Variants in RXRA observed in about 807,000 individuals in gnomAD.
The protein encoded by RXRA is retinoid X receptor alpha, also known as retinoic acid receptor RXR-alpha.
Under a neutral mutation model 44.5 loss-of-function variants are expected in RXRA, and 5 were observed. The ratio of observed to expected loss-of-function variants is 0.11; its 90% CI spans 0.06 to 0.24. The LOEUF (loss-of-function observed/expected upper bound fraction) is 0.24. Among genes scored for constraint, RXRA ranks in the 10% least tolerant of loss-of-function variants. The pLI is 1.00. For missense variants in RXRA, 412 were observed against 646.5 expected, an observed-to-expected ratio of 0.64 and a Z score of 3.93; for synonymous variants, 291 against 271.4, an observed-to-expected ratio of 1.07 and a Z score of -0.71.
At chr9:134,357,676 C>A (rs1351743204) in intron 1 of RXRA, among the ~76,000 whole-genome samples, 3 of 152,176 alleles carry the variant, frequency 2.0e-5, no homozygotes, top group African/African-American at 7.2e-5. Context: ...AGGGAATGCC[C>A]TGCTTAACCA....
In RXRA at chr9:134,439,033, A is replaced by T. The variant is rs956132080; in HGVS notation, c.*2419A>T. On this transcript the variant is annotated 3_prime_UTR_variant, in exon 10 of 10. Coordinates refer to ENST00000481739, the MANE Select transcript of RXRA (RefSeq NM_002957.6). ...ACAGTGCTGTTGGTTTGAAAAGGTGATGTGTGGGGAGTGCGGCTCATCACT... is the reference window on the plus strand; with the variant it reads ...ACAGTGCTGTTGGTTTGAAAAGGTGTTGTGTGGGGAGTGCGGCTCATCACT... 6 of 152,256 alleles carry T rather than the reference A, an allele frequency of 3.9e-5. No homozygotes were observed. 9.4% of individuals were successfully genotyped at this position (152,256 alleles called of 1,614,324 possible).
chr9:134,429,486 G>A (rs985431501), intron 7 of RXRA, among the ~76,000 whole-genome samples: 3 of 152,184 alleles, frequency 2.0e-5, no homozygotes, highest in African/African-American at 4.8e-5. Flanking sequence ...CTTTTTTCAC[G>A]ATCCCATGTA....
chr9:134,357,780 C>T (rs1004640987), intron 1 of RXRA, among the ~76,000 whole-genome samples: 1 of 152,348 alleles, frequency 6.6e-6, no homozygotes, highest in East Asian at 1.9e-4. Context: ...CGGGAAATTA[C>T]GTGTTCTTAG....
At position 134,433,133 on chromosome 9, in the gene RXRA, A is replaced by G. The variant is rs1008521281; in HGVS notation, c.1136-969A>G. Among the ~76,000 whole-genome samples, 1 of 151,816 alleles carries G rather than the reference A, an allele frequency of 6.6e-6. No individual in the cohort carries two copies. On this transcript the variant is annotated intron_variant, in intron 8 of 9. Transcript: ENST00000481739. The surrounding 1 kb of genome is among the most constrained non-coding windows in gnomAD (Gnocchi z 4.2). ...TCTGAGGGACCGGGCCGGGATGGAG[A>G]TGGGCATCTTCTTGTGGGGAGAGCT...
chr9:134,393,337 G>T (rs1830828075), intron 1 of RXRA, among the ~76,000 whole-genome samples: 1 of 152,234 alleles, frequency 6.6e-6, no homozygotes, highest in African/African-American at 2.4e-5. Context: ...CCTGGCCCAG[G>T]TGTGCCCCTC....
Position 134,401,738 on chromosome 9 carries a change from A to T in RXRA, c.135A>T (p.Gly45=). The T allele has an allele frequency of 1.2e-6, 2 of 1,612,842 alleles. No homozygotes were observed. Among genetic ancestry groups the T allele is most frequent in the Non-Finnish European group, 1.7e-6 (2 of 1,179,912 alleles). Residue 45 remains glycine, a synonymous_variant, in exon 2 of 10, where the codon GGA becomes GGT. Coordinates refer to ENST00000481739, the MANE Select transcript of RXRA (RefSeq NM_002957.6). The part of the protein sequence containing the change: ...PSLGPGIGSP[G]QLHSPISTLS... Reference sequence around the variant, plus strand: ...TGGGGCCTGGCATCGGCTCCCCGGGACAGCTGCATTCTCCCATCAGCACCC... The same window carrying T: ...TGGGGCCTGGCATCGGCTCCCCGGGTCAGCTGCATTCTCCCATCAGCACCC...
chr9:134,384,359 A>G (rs1830688943), intron 1 of RXRA, among the ~76,000 whole-genome samples: 1 of 152,192 alleles, frequency 6.6e-6, no homozygotes, highest in South Asian at 2.1e-4. Context: ...CCTGCTCCAC[A>G]TGGCTGGGCC....
intron 1 of RXRA, among the ~76,000 whole-genome samples, chr9:134,350,475 C>G (rs1182271565): frequency 6.6e-6 from 1 of 152,196 alleles, no homozygotes; most frequent in Non-Finnish European, 1.5e-5. Context: ...TCCCCAGGGG[C>G]TGCCCGTGGG....
intron 1 of RXRA, among the ~76,000 whole-genome samples, chr9:134,381,009 C>T (rs1429673660): frequency 6.6e-6 from 1 of 152,184 alleles, no homozygotes; most frequent in Admixed American, 6.5e-5. Context: ...GTGCAGGGCC[C>T]AGTCAGAGAC....
At position 134,343,681 on chromosome 9, in the gene RXRA, C is replaced by T. The variant is rs1051317058; in HGVS notation, c.28+17022C>T. Reference sequence around the variant, plus strand: ...CTTGCTCAGTGGCCAGAGGAGAGACCGTGTGCACTTGGTGGACTGCCACGG... The same window carrying T: ...CTTGCTCAGTGGCCAGAGGAGAGACTGTGTGCACTTGGTGGACTGCCACGG... On this transcript the variant is annotated intron_variant, in intron 1 of 9. Coordinates refer to ENST00000481739, the MANE Select transcript of RXRA (RefSeq NM_002957.6). This position sits in a 1 kb window ranked among gnomAD's most constrained non-coding sequence, Gnocchi z 4.1. Among the ~76,000 whole-genome samples the T allele has an allele frequency of 1.3e-5, 2 of 152,074 alleles. No individual in the cohort carries two copies. Among genetic ancestry groups the T allele is most frequent in the Admixed American group, 6.5e-5 (1 of 15,272 alleles).
At chr9:134,338,739 C>G (rs1221647471) in intron 1 of RXRA, among the ~76,000 whole-genome samples, 1 of 152,228 alleles carries the variant, frequency 6.6e-6, no homozygotes, top group South Asian at 2.1e-4. Flanking sequence ...AGCCGGCACC[C>G]CAGCCTTGCC....
intron 1 of RXRA, chr9:134,379,422 C>T (rs1307538373): frequency 8.1e-6 from 8 of 987,496 alleles, no homozygotes; most frequent in Non-Finnish European, 9.6e-6. Context: ...CCTCCCTTCA[C>T]TTCCTGGCCA....
chr9:134,425,546 T>TG (rs1181057797), intron 6 of RXRA: 3 of 179,216 alleles, frequency 1.7e-5, no homozygotes, highest in South Asian at 2.8e-4. Flanking sequence ...GGCGGCAGGG[T>TG]GGGGGGTGGG....
intron 2 of RXRA, chr9:134,402,108 T>C (rs1216400731): frequency 1.8e-6 from 1 of 550,998 alleles, no homozygotes; most frequent in Non-Finnish European, 3.2e-6. Flanking sequence ...CCGAGGTGAC[T>C]TGCAGCTGGT....
At chr9:134,357,285 G>T (rs1424381837) in intron 1 of RXRA, among the ~76,000 whole-genome samples, 1 of 152,298 alleles carries the variant, frequency 6.6e-6, no homozygotes, top group African/African-American at 2.4e-5. Flanking sequence ...GCCAGAGTTC[G>T]CTGCTGAGCG....
intron 1 of RXRA, among the ~76,000 whole-genome samples, chr9:134,386,034 A>T (rs186548398): frequency 1.3e-5 from 2 of 152,230 alleles, no homozygotes; most frequent in Non-Finnish European, 2.9e-5. Flanking sequence ...GCTTTGGCCA[A>T]TGGCAGCCGC....
At chr9:134,363,966 C>T (rs1220506717) in intron 1 of RXRA, among the ~76,000 whole-genome samples, 1 of 152,186 alleles carries the variant, frequency 6.6e-6, no homozygotes, top group Non-Finnish European at 1.5e-5. Flanking sequence ...TGCCAAGAGC[C>T]TTGTGGTGGG....
rs1202002912 is a variant in RXRA, at chr9:134,433,581, C to G, written c.1136-521C>G. Among the ~76,000 whole-genome samples the G allele has an allele frequency of 2.0e-5, 3 of 147,318 alleles. No homozygotes were observed. Among genetic ancestry groups the G allele is most frequent in the African/African-American group, 8.1e-5 (3 of 37,160 alleles). On this transcript the variant is annotated intron_variant, in intron 8 of 9. Transcript: ENST00000481739. The surrounding 1 kb of genome is among the most constrained non-coding windows in gnomAD (Gnocchi z 4.2). ...CCTTGGAGGTTTTGGTGGCTGCAAT[C>G]TTAGCCTCTCTGTCCACTCTAGGCT...
intron 1 of RXRA, among the ~76,000 whole-genome samples, chr9:134,353,722 G>A (rs1444394096): frequency 6.6e-6 from 1 of 152,242 alleles, no homozygotes; most frequent in Non-Finnish European, 1.5e-5. Context: ...AGGCAGGAGA[G>A]GGAACTGCTG....
Sources: allele counts gnomAD v4.1 joint callset (sites outside exome capture counted in the v4.1 genomes callset), GRCh38; gene constraint gnomAD v4.1.1; non-coding constraint Gnocchi (gnomAD v3.1); transcripts MANE v1.5; gene names NCBI Gene and HGNC (gene_info 2026-07-23, HGNC 2026-07-21).